RBFOX1: variants seen among roughly 807,000 people sequenced by gnomAD.
The protein encoded by RBFOX1 is RNA binding fox-1 homolog 1.
A neutral mutation model predicts 57.7 loss-of-function variants in RBFOX1; 8 were observed. The ratio of observed to expected loss-of-function variants is 0.14; its 90% CI spans 0.08 to 0.25. The LOEUF is 0.25. Ranked by LOEUF, RBFOX1 falls within the 10% of genes least tolerant of loss-of-function variation. RBFOX1 has a pLI of 1.00. For synonymous variants in RBFOX1, 326 were observed against 222.4 expected (o/e 1.47, Z -4.15); for missense variants, 611 against 548.5 (o/e 1.11, Z -1.14).
intron 3 of RBFOX1, among the ~76,000 whole-genome samples, chr16:6,697,807 C>G (rs2061275150): frequency 6.6e-6 from 1 of 152,162 alleles, no homozygotes; most frequent in Non-Finnish European, 1.5e-5. Context: ...ATTGGAAGTC[C>G]ATATCTCTAC....
intron 3 of RBFOX1, among the ~76,000 whole-genome samples, chr16:5,750,066 G>T (rs1336971420): frequency 6.6e-6 from 1 of 152,142 alleles, no homozygotes; most frequent in Admixed American, 6.5e-5. Context: ...CTTTCTGTTT[G>T]TTAGTTTTCC....
intron 3 of RBFOX1, among the ~76,000 whole-genome samples, chr16:5,801,908 G>A (rs986303536): frequency 2.0e-5 from 3 of 152,160 alleles, no homozygotes; most frequent in Non-Finnish European, 4.4e-5. Flanking sequence ...TGAGGAAATG[G>A]AGCATAAAGG....
At chr16:6,329,258 A>G (rs77429681) in intron 2 of RBFOX1, among the ~76,000 whole-genome samples, 1 of 152,194 alleles carries the variant, frequency 6.6e-6, no homozygotes, top group African/African-American at 2.4e-5. Context: ...CAGGCTGTGT[A>G]CTAAGAAGTT....
At chr16:6,770,254 C>T (rs1365507372) in intron 3 of RBFOX1, among the ~76,000 whole-genome samples, 1 of 152,174 alleles carries the variant, frequency 6.6e-6, no homozygotes, top group Non-Finnish European at 1.5e-5. Context: ...CTTACCACAT[C>T]TCCACAGGCT....
chr16:7,235,980 A>G (rs112118296), intron 4 of RBFOX1, among the ~76,000 whole-genome samples: 2,146 of 152,294 alleles, frequency 0.014, 42 homozygotes, highest in African/African-American at 0.049. Context: ...TCTGGCTTGC[A>G]CCATTGCTGA....
chr16:5,427,549 C>T (rs1197341344), intron 1 of RBFOX1, among the ~76,000 whole-genome samples: 1 of 152,132 alleles, frequency 6.6e-6, no homozygotes, highest in Non-Finnish European at 1.5e-5. Flanking sequence ...CTTGCCATTA[C>T]ACTCCAGCCT....
intron 1 of RBFOX1, among the ~76,000 whole-genome samples, chr16:5,375,746 G>C (rs917260008): frequency 2.0e-5 from 3 of 152,206 alleles, no homozygotes; most frequent in African/African-American, 7.2e-5. Context: ...TGGTGGGCCG[G>C]ATTTGGCCTG....
At chr16:7,669,269 T>G (rs897700228) in intron 13 of RBFOX1, among the ~76,000 whole-genome samples, 5 of 149,910 alleles carry the variant, frequency 3.3e-5, no homozygotes, top group Non-Finnish European at 4.4e-5. Flanking sequence ...ATTGCTTAAC[T>G]GAACCAAGAC....
chr16:7,622,709 G>C (rs550633355), intron 10 of RBFOX1, among the ~76,000 whole-genome samples: 5 of 151,976 alleles, frequency 3.3e-5, no homozygotes, highest in Non-Finnish European at 7.4e-5. Context: ...TGCGCTTCAG[G>C]GCCCCTTTAA....
At chr16:7,165,570 C>T (rs776426318) in intron 4 of RBFOX1, among the ~76,000 whole-genome samples, 65 of 151,834 alleles carry the variant, frequency 4.3e-4, no homozygotes, top group Non-Finnish European at 8.5e-4. Context: ...GCTGGGATTA[C>T]GGGCATGCAC....
chr16:6,141,936 G>C (rs2096719046), intron 1 of RBFOX1, among the ~76,000 whole-genome samples: 1 of 151,690 alleles, frequency 6.6e-6, no homozygotes, highest in African/African-American at 2.4e-5. Context: ...GCTCATGCCT[G>C]TAGTCCCAGC....
At chr16:7,233,133 C>T (rs1252818620) in intron 4 of RBFOX1, among the ~76,000 whole-genome samples, 1 of 152,020 alleles carries the variant, frequency 6.6e-6, no homozygotes, top group East Asian at 1.9e-4. Context: ...GTTAAAAACC[C>T]CACTGTACTT....
chr16:6,853,477 C>G (rs1425724493), intron 3 of RBFOX1, among the ~76,000 whole-genome samples: 2 of 152,084 alleles, frequency 1.3e-5, no homozygotes, highest in African/African-American at 4.8e-5. Flanking sequence ...GAGGATGGTG[C>G]CTACAGTGTG....
At chr16:7,248,184 A>G (rs955536356) in intron 4 of RBFOX1, among the ~76,000 whole-genome samples, 3 of 152,198 alleles carry the variant, frequency 2.0e-5, no homozygotes, top group South Asian at 2.1e-4. Flanking sequence ...AGTTAGGGAT[A>G]TTACCAGCTC....
rs190260835 is a variant in RBFOX1 at position 6,488,143 on chromosome 16, T to C, written c.-63-166460T>C. Among the ~76,000 whole-genome samples, 387 of 152,288 alleles carry C rather than the reference T, an allele frequency of 2.5e-3. 2 individuals carry two copies. Among genetic ancestry groups the C allele is most frequent in the Admixed American group, 3.8e-3 (58 of 15,298 alleles). On this transcript the variant is annotated intron_variant, in intron 2 of 15. Coordinates refer to ENST00000550418, the MANE Select transcript of RBFOX1 (RefSeq NM_018723.4). ...CAGAGAAGACCCCTAAAGGGCTGTA[T>C]ATGAGGAAGGCCTCTGCCAGCCCTT... is the stretch of plus-strand genomic sequence containing the variant.
chr16:7,591,784 G>C (rs1266419516), intron 7 of RBFOX1, among the ~76,000 whole-genome samples: 1 of 152,116 alleles, frequency 6.6e-6, no homozygotes, highest in African/African-American at 2.4e-5. Context: ...TGCTTGTTTT[G>C]TTCTCCTTTT....
chr16:6,351,066 C>A (rs758931553), intron 2 of RBFOX1, among the ~76,000 whole-genome samples: 5 of 152,038 alleles, frequency 3.3e-5, no homozygotes, highest in Non-Finnish European at 5.9e-5. Flanking sequence ...GCCTTTCAAC[C>A]ACAGCAATGT....
intron 3 of RBFOX1, among the ~76,000 whole-genome samples, chr16:5,778,729 T>C (rs1037926277): frequency 2.0e-5 from 3 of 152,090 alleles, no homozygotes; most frequent in African/African-American, 7.2e-5. Context: ...TGAGGGTGAA[T>C]AGGAGGTGAC....
At chr16:7,151,767 G>A (rs1201774803) in intron 4 of RBFOX1, among the ~76,000 whole-genome samples, 1 of 152,022 alleles carries the variant, frequency 6.6e-6, no homozygotes, top group African/African-American at 2.4e-5. Context: ...CCATCTTGGG[G>A]TGATGGTAGG....
Sources: gnomAD v4.1 joint callset for allele counts (sites outside exome capture counted in the v4.1 genomes callset) on GRCh38, gnomAD v4.1.1 for gene constraint, MANE v1.5 for transcripts, NCBI Gene and HGNC (gene_info 2026-07-23, HGNC 2026-07-21) for gene names.